The following KIF6 variants were observed in gnomAD, a reference collection of about 807,000 sequenced individuals.
KIF6 encodes kinesin family member 6.
Under a neutral mutation model 112.7 loss-of-function variants are expected in KIF6, and 106 were observed. That is an observed-to-expected ratio of 0.94 (90% CI 0.80 to 1.11). The LOEUF (loss-of-function observed/expected upper bound fraction) is 1.11, where lower values mean the gene tolerates loss of function less well. KIF6 is among the 50% of genes least tolerant of loss of function. The pLI, the probability that KIF6 is intolerant of heterozygous loss-of-function variation, is 0.00. For synonymous variants in KIF6, 339 were observed against 339.9 expected (o/e 1.00, Z 0.03); for missense variants, 929 against 964.0 (o/e 0.96, Z 0.48).
chr6:39,432,009 T>C (rs2150382636), intron 13 of KIF6, among the ~76,000 whole-genome samples: 1 of 152,212 alleles, frequency 6.6e-6, no homozygotes, highest in African/African-American at 2.4e-5. Flanking sequence ...GGGAGGCCTT[T>C]TCTCATGTTT....
Position 39,586,330 on chromosome 6 carries a change from T to G in KIF6, c.921A>C (p.Arg307Ser), listed in dbSNP as rs1781634754. 3 of 1,614,096 alleles carry G rather than the reference T, an allele frequency of 1.9e-6. No individual in the cohort carries two copies. The highest frequency in any genetic ancestry group is 1.1e-5 in the South Asian group (1 of 91,070). The change falls in exon 8 of 23, where the codon AGA becomes AGC. Residue 307 changes from arginine to serine, a missense_variant. Coordinates refer to ENST00000287152, the MANE Select transcript of KIF6 (RefSeq NM_145027.6). Reference protein sequence around the residue: ...YRNSMMTSVLRDSLGGNCMTT... With the variant: ...YRNSMMTSVLSDSLGGNCMTT... ...TCATGCAGTTCCCTCCCAAACTGTCTCTTAGGACACTGGTCATCATGGAGT... is the reference window on the plus strand; with the variant it reads ...TCATGCAGTTCCCTCCCAAACTGTCGCTTAGGACACTGGTCATCATGGAGT...
chr6:39,646,784 A>G (rs557616858), intron 3 of KIF6, among the ~76,000 whole-genome samples: 1 of 152,330 alleles, frequency 6.6e-6, no homozygotes, highest in East Asian at 1.9e-4. Flanking sequence ...ATTTGGAACA[A>G]ATGAAAATTA....
At chr6:39,456,358 C>T (rs1310011548) in intron 13 of KIF6, among the ~76,000 whole-genome samples, 1 of 128,050 alleles carries the variant, frequency 7.8e-6, no homozygotes, top group East Asian at 2.2e-4. Context: ...CCTAAAAGAG[C>T]TCCTGAAGGA....
At chr6:39,482,201 G>A (rs1774843834) in intron 13 of KIF6, among the ~76,000 whole-genome samples, 1 of 152,148 alleles carries the variant, frequency 6.6e-6, no homozygotes, top group Non-Finnish European at 1.5e-5. Flanking sequence ...GGGACACTGA[G>A]CCAAATTCTC....
At chr6:39,660,389 G>C (rs957058269) in intron 3 of KIF6, among the ~76,000 whole-genome samples, 1 of 152,098 alleles carries the variant, frequency 6.6e-6, no homozygotes, top group Non-Finnish European at 1.5e-5. Flanking sequence ...TTTCTCAACC[G>C]CTTGAGGTAT....
At chr6:39,580,644 C>T (rs953729921) in intron 9 of KIF6, among the ~76,000 whole-genome samples, 10 of 152,124 alleles carry the variant, frequency 6.6e-5, no homozygotes, top group Non-Finnish European at 1.0e-4. Context: ...AATATAATTT[C>T]TTTCTTTAAA....
At chr6:39,340,573 A>G (rs1390441966) in intron 22 of KIF6, among the ~76,000 whole-genome samples, 1 of 152,230 alleles carries the variant, frequency 6.6e-6, no homozygotes, top group African/African-American at 2.4e-5. Context: ...ACAGGGGATC[A>G]TAATCTTGGC....
At chr6:39,519,918 A>C (rs1777293340) in intron 13 of KIF6, among the ~76,000 whole-genome samples, 1 of 152,180 alleles carries the variant, frequency 6.6e-6, no homozygotes, top group South Asian at 2.1e-4. Context: ...GCTACTCCGG[A>C]GGCTGAGGCA....
At chr6:39,443,432 T>C (rs1772081242) in intron 13 of KIF6, among the ~76,000 whole-genome samples, 1 of 152,130 alleles carries the variant, frequency 6.6e-6, no homozygotes, top group East Asian at 1.9e-4. Context: ...TATTTTCATG[T>C]ATTTAATTTT....
At chr6:39,439,590 A>G (rs1442907199) in intron 13 of KIF6, among the ~76,000 whole-genome samples, 2 of 152,242 alleles carry the variant, frequency 1.3e-5, no homozygotes, top group African/African-American at 2.4e-5. Flanking sequence ...GCACATAGGT[A>G]GAAATGGTAG....
At chr6:39,486,175 C>T (rs959844100) in intron 13 of KIF6, among the ~76,000 whole-genome samples, 5 of 152,180 alleles carry the variant, frequency 3.3e-5, no homozygotes, top group African/African-American at 9.7e-5. Flanking sequence ...TAAGATATCA[C>T]GGAAGTATCA....
intron 13 of KIF6, among the ~76,000 whole-genome samples, chr6:39,516,964 A>G (rs1250303259): frequency 2.0e-5 from 3 of 152,154 alleles, no homozygotes; most frequent in Non-Finnish European, 4.4e-5. Flanking sequence ...AAGGAAGGTG[A>G]GTAGCAACAT....
At chr6:39,501,366 A>G (rs911904593) in intron 13 of KIF6, among the ~76,000 whole-genome samples, 11 of 152,220 alleles carry the variant, frequency 7.2e-5, no homozygotes, top group Non-Finnish European at 1.5e-4. Context: ...GCCCACAAAG[A>G]TAAGAAAGAA....
At chr6:39,635,256 G>A (rs1347355105) in intron 4 of KIF6, among the ~76,000 whole-genome samples, 1 of 151,614 alleles carries the variant, frequency 6.6e-6, no homozygotes, top group African/African-American at 2.4e-5. Flanking sequence ...TTGCAGAACT[G>A]TATAACACAC....
intron 6 of KIF6, among the ~76,000 whole-genome samples, chr6:39,611,091 A>G (rs1783190401): frequency 6.6e-6 from 1 of 152,190 alleles, no homozygotes; most frequent in African/African-American, 2.4e-5. Context: ...AGGCCACTTG[A>G]GGCCAGGAGT....
intron 12 of KIF6, among the ~76,000 whole-genome samples, chr6:39,543,323 A>C (rs1300262309): frequency 2.6e-5 from 4 of 152,024 alleles, no homozygotes; most frequent in Non-Finnish European, 4.4e-5. Flanking sequence ...AAGGAAAAGG[A>C]ATGTGAGGGT....
Position 39,725,139 on chromosome 6 carries a change from C to T in KIF6, c.66+106G>A, listed in dbSNP as rs538042748. 69 of 908,888 alleles carry T rather than the reference C, an allele frequency of 7.6e-5. No homozygotes were observed. In the East Asian group the frequency reaches 1.3e-3, roughly 17 times the overall value. The allele number at this position is 908,888 out of a possible 1,614,324, so 56.3% of individuals were successfully genotyped here. On this transcript the variant is annotated intron_variant, in intron 1 of 22. Coordinates refer to ENST00000287152, the MANE Select transcript of KIF6 (RefSeq NM_145027.6). ...TGCGGGATTCCGGGCGGCCTCGGCG[C>T]CCACCAGCAAGCCCCTCACCTCCGC...
intron 12 of KIF6, 59 bp from the exon 13 acceptor site, chr6:39,540,280 A>C: frequency 9.4e-7 from 1 of 1,061,322 alleles, no homozygotes; most frequent in Non-Finnish European, 1.4e-6. Flanking sequence ...CAAAACACAA[A>C]TGTCCTAAGT....
intron 7 of KIF6, among the ~76,000 whole-genome samples, chr6:39,590,654 T>C (rs1010070320): frequency 3.0e-4 from 46 of 152,106 alleles, no homozygotes; most frequent in African/African-American, 1.1e-3. Flanking sequence ...TTTCACCATG[T>C]TGGCCAGGCT....
Sources: gnomAD v4.1 joint callset for allele counts (sites outside exome capture counted in the v4.1 genomes callset) on GRCh38, gnomAD v4.1.1 for gene constraint, MANE v1.5 for transcripts, NCBI Gene and HGNC (gene_info 2026-07-23, HGNC 2026-07-21) for gene names.